The following IL1RAPL1 variants were observed in gnomAD, a reference collection of about 807,000 sequenced individuals.
The protein encoded by IL1RAPL1 is interleukin-1 receptor accessory protein-like 1.
In IL1RAPL1, 3 loss-of-function variants were observed where a neutral mutation model predicts 48.4. That is an observed-to-expected ratio of 0.06 (90% CI 0.03 to 0.16). The LOEUF (loss-of-function observed/expected upper bound fraction) is 0.16, where lower values mean the gene tolerates loss of function less well. Ranked by LOEUF, IL1RAPL1 falls within the 10% of genes least tolerant of loss-of-function variation. The pLI, the probability that IL1RAPL1 is intolerant of heterozygous loss-of-function variation, is 1.00. For synonymous variants in IL1RAPL1, 185 were observed against 187.7 expected (o/e 0.99, Z 0.12); for missense variants, 349 against 530.6 (o/e 0.66, Z 3.36).
At chrX:29,620,619 A>G (rs1348728321) in intron 5 of IL1RAPL1, among the ~76,000 whole-genome samples, 1 of 112,319 alleles carries the variant, frequency 8.9e-6, no homozygotes, top group Non-Finnish European at 1.9e-5. Flanking sequence ...ACTAAATAAG[A>G]CAATAAAGAC....
intron 5 of IL1RAPL1, among the ~76,000 whole-genome samples, chrX:29,639,545 GTT>G (rs10719537): frequency 0.19 from 14,444 of 76,593 alleles, 1,303 homozygotes; most frequent in African/African-American, 0.33. Flanking sequence ...ATAATTAAAA[GTT>G]TTTTTTTTTT....
intron 2 of IL1RAPL1, among the ~76,000 whole-genome samples, chrX:29,072,708 T>A (rs757395926): frequency 8.9e-6 from 1 of 112,038 alleles, no homozygotes; most frequent in South Asian, 3.7e-4. Context: ...TAGTCTAAAT[T>A]ATCTCAGCTT....
intron 1 of IL1RAPL1, among the ~76,000 whole-genome samples, chrX:28,653,726 C>T (rs1934714740): frequency 9.0e-6 from 1 of 111,472 alleles, no homozygotes; most frequent in Non-Finnish European, 1.9e-5. Flanking sequence ...AGCACACTTC[C>T]ATGTTTGGTC....
chrX:29,101,669 C>T (rs1236238459), intron 2 of IL1RAPL1, among the ~76,000 whole-genome samples: 1 of 112,185 alleles, frequency 8.9e-6, no homozygotes, highest in Admixed American at 9.5e-5. Flanking sequence ...GGCGCGGTGG[C>T]TCATGCCTGT....
At chrX:28,752,235 C>T (rs1244159404) in intron 1 of IL1RAPL1, among the ~76,000 whole-genome samples, 2 of 111,309 alleles carry the variant, frequency 1.8e-5, no homozygotes, top group East Asian at 2.8e-4. Flanking sequence ...AGTTTATTTG[C>T]GCAACTTATG....
intron 6 of IL1RAPL1, among the ~76,000 whole-genome samples, chrX:29,689,552 C>T (rs912265134): frequency 4.5e-5 from 5 of 112,235 alleles, no homozygotes; most frequent in African/African-American, 1.6e-4. Flanking sequence ...TTCAAAAGCT[C>T]GGTCAAGCAA....
At chrX:28,820,007 T>C (rs1380262021) in intron 2 of IL1RAPL1, among the ~76,000 whole-genome samples, 16 of 82,787 alleles carry the variant, frequency 1.9e-4, no homozygotes, top group African/African-American at 6.3e-4. Context: ...TATATATATA[T>C]ATATATACAT....
At chrX:28,722,361 T>A (rs1429459060) in intron 1 of IL1RAPL1, among the ~76,000 whole-genome samples, 1 of 111,698 alleles carries the variant, frequency 9.0e-6, no homozygotes, top group East Asian at 2.8e-4. Flanking sequence ...GAAGCAATTG[T>A]GAATGGGAGT....
intron 2 of IL1RAPL1, among the ~76,000 whole-genome samples, chrX:28,890,582 A>C (rs1461242002): frequency 8.9e-6 from 1 of 112,089 alleles, no homozygotes; most frequent in Non-Finnish European, 1.9e-5. Context: ...TTTTTCAATT[A>C]GCTTAATAAC....
At position 29,633,255 on chromosome X, in the gene IL1RAPL1, T is replaced by C. The variant is rs188089564; in HGVS notation, c.704-35175T>C. Among the ~76,000 whole-genome samples the C allele has an allele frequency of 2.3e-3, 255 of 110,922 alleles. 1 individual carries two copies. Among genetic ancestry groups the C allele is most frequent in the African/African-American group, 7.9e-3 (242 of 30,490 alleles). ...TGTGAAAGAAGCCAGAAAAAAAGAGTATATAATATATGATTTCATTTACCT... is the reference window on the plus strand; with the variant it reads ...TGTGAAAGAAGCCAGAAAAAAAGAGCATATAATATATGATTTCATTTACCT... On this transcript the variant is annotated intron_variant, in intron 5 of 10. Transcript: ENST00000378993.
At chrX:29,771,436 A>G (rs772359684) in intron 6 of IL1RAPL1, among the ~76,000 whole-genome samples, 2 of 112,284 alleles carry the variant, frequency 1.8e-5, no homozygotes, top group South Asian at 7.5e-4. Context: ...AATTTTTGGT[A>G]GGGCTTCTCT....
intron 6 of IL1RAPL1, among the ~76,000 whole-genome samples, chrX:29,862,962 G>C (rs1931619531): frequency 1.1e-5 from 1 of 88,106 alleles, no homozygotes; most frequent in Non-Finnish European, 2.1e-5. Flanking sequence ...AAGAGTCTTG[G>C]CATACTTAAA....
At chrX:29,853,075 C>G (rs926861096) in intron 6 of IL1RAPL1, among the ~76,000 whole-genome samples, 12 of 108,526 alleles carry the variant, frequency 1.1e-4, no homozygotes, top group Admixed American at 4.0e-4. Context: ...CTTGGTGAGA[C>G]ACAGCATTTA....
intron 1 of IL1RAPL1, among the ~76,000 whole-genome samples, chrX:28,685,755 C>G (rs1332647012): frequency 9.0e-6 from 1 of 111,681 alleles, no homozygotes; most frequent in Non-Finnish European, 1.9e-5. Flanking sequence ...TTAGGTGACT[C>G]TAAGCAGGAA....
At chrX:29,563,569 T>A (rs1922308147) in intron 5 of IL1RAPL1, among the ~76,000 whole-genome samples, 1 of 112,778 alleles carries the variant, frequency 8.9e-6, no homozygotes, top group South Asian at 3.7e-4. Flanking sequence ...CTGTTTCAAA[T>A]ACAACTTAAA....
chrX:28,953,118 T>G (rs1924515305), intron 2 of IL1RAPL1, among the ~76,000 whole-genome samples: 1 of 111,578 alleles, frequency 9.0e-6, no homozygotes, highest in African/African-American at 3.2e-5. Context: ...CATTGTGGAC[T>G]CTTGAATATG....
At chrX:29,031,776 T>G (rs896959922) in intron 2 of IL1RAPL1, among the ~76,000 whole-genome samples, 1 of 111,589 alleles carries the variant, frequency 9.0e-6, no homozygotes, top group African/African-American at 3.3e-5. Flanking sequence ...TTACGGTTTT[T>G]CTGGTTATAA....
At chrX:29,803,495 G>T (rs1285914567) in intron 6 of IL1RAPL1, among the ~76,000 whole-genome samples, 1 of 94,685 alleles carries the variant, frequency 1.1e-5, no homozygotes, top group East Asian at 3.3e-4. Flanking sequence ...ATACATCTAT[G>T]TATACATATG....
intron 10 of IL1RAPL1, 144 bp downstream of exon 10, chrX:29,954,836 T>C (rs1933386967): frequency 8.9e-6 from 5 of 558,708 alleles, no homozygotes; most frequent in Non-Finnish European, 1.5e-5. Flanking sequence ...TCTTTGTGTG[T>C]TCACATGAAA....
Sources: gnomAD v4.1 joint callset for allele counts (sites outside exome capture counted in the v4.1 genomes callset) on GRCh38, gnomAD v4.1.1 for gene constraint, MANE v1.5 for transcripts, NCBI Gene and HGNC (gene_info 2026-07-23, HGNC 2026-07-21) for gene names.